CMTM2: variants seen among roughly 807,000 people sequenced by gnomAD.
The protein encoded by CMTM2 is CKLF-like MARVEL transmembrane domain-containing protein 2.
CMTM2 carries 15 observed loss-of-function variants against 16.8 expected under a neutral mutation model. The observed-to-expected ratio is 0.89, with a 90% confidence interval of 0.60 to 1.37. The LOEUF (loss-of-function observed/expected upper bound fraction) is 1.37, where lower values mean the gene tolerates loss of function less well. Ranked by LOEUF, CMTM2 falls within the 40% of genes most tolerant of loss-of-function variation. The pLI, the probability that CMTM2 is intolerant of heterozygous loss-of-function variation, is 0.00. For missense variants in CMTM2, 282 were observed against 318.0 expected, an observed-to-expected ratio of 0.89 and a Z score of 0.86; for synonymous variants, 117 against 118.7, an observed-to-expected ratio of 0.99 and a Z score of 0.09.
Position 66,579,917 on chromosome 16 carries a change from T to TG in CMTM2, c.285+31dup. On this transcript the variant is annotated intron_variant, in intron 1 of 3. Coordinates refer to ENST00000268595, the MANE Select transcript of CMTM2 (RefSeq NM_144673.3). The surrounding 1 kb of genome is among the most constrained non-coding windows in gnomAD (Gnocchi z 6.5). ...GGTGAGCTAAACTGGTATCCCTGGG[T>TG]GGGGGGCCTTGGCCGAGGGTGGGGG... 5 of 678,366 alleles carry TG rather than the reference T, an allele frequency of 7.4e-6. No individual in the cohort carries two copies. Among genetic ancestry groups the TG allele is most frequent in the Non-Finnish European group, 1.2e-5 (5 of 419,950 alleles). The allele number at this position is 678,366 out of a possible 1,614,324, so 42.0% of individuals were successfully genotyped here. A position where few individuals can be genotyped will look rare whatever the true frequency, so the allele number is the denominator to read the frequency against.
chr16:66,584,198 TA>T (rs1055023989), intron 2 of CMTM2, among the ~76,000 whole-genome samples: 3 of 152,194 alleles, frequency 2.0e-5, no homozygotes, highest in African/African-American at 7.2e-5. Flanking sequence ...TAAGCCCGGC[TA>T]ATTTTGTAAT....
rs150636268 is a variant in CMTM2 at position 66,580,770 on chromosome 16, T to C, written c.444+586T>C. ...AAACCATTCCCAGCCTGTTTCCTCA[T>C]CTGTAACATGAGACAGTCACATTCC... On this transcript the variant is annotated intron_variant, in intron 2 of 3. Coordinates refer to ENST00000268595, the MANE Select transcript of CMTM2 (RefSeq NM_144673.3). The C allele has an allele frequency of 2.5e-3, 383 of 153,176 alleles. 3 individuals are homozygous for C. Among genetic ancestry groups the C allele is most frequent in the Admixed American group, 6.2e-3 (95 of 15,378 alleles). 9.5% of individuals were successfully genotyped at this position (153,176 alleles called of 1,614,324 possible).
Position 66,579,816 on chromosome 16 carries a change from G to C in CMTM2, c.209G>C (p.Arg70Pro). Residue 70 changes from arginine to proline, a missense_variant, in exon 1 of 4, where the codon CGC becomes CCC. Coordinates refer to ENST00000268595, the MANE Select transcript of CMTM2 (RefSeq NM_144673.3). This position sits in a 1 kb window ranked among gnomAD's most constrained non-coding sequence, Gnocchi z 6.5. ...GTGGGCACGAGGAGGGGGTGTCGCC[G>C]CTACCGGTGGGAATTAAAAGACAGC... ...HEVGTRRGCR[R>P]YRWELKDSNK... 1.9e-6 allele frequency: 3 copies of C among 1,613,804 alleles called. No individual in the cohort carries two copies. Among genetic ancestry groups the C allele is most frequent in the Non-Finnish European group, 2.5e-6 (3 of 1,179,996 alleles).
At chr16:66,585,378 G>T (rs771021843) in intron 2 of CMTM2, among the ~76,000 whole-genome samples, 1 of 152,172 alleles carries the variant, frequency 6.6e-6, no homozygotes, top group Non-Finnish European at 1.5e-5. Flanking sequence ...GTCTCATTTC[G>T]TTCATTCATA....
At chr16:66,582,689 G>A (rs2144703241) in intron 2 of CMTM2, among the ~76,000 whole-genome samples, 2 of 152,174 alleles carry the variant, frequency 1.3e-5, no homozygotes, top group East Asian at 3.9e-4. Context: ...GTGACAGAGT[G>A]AGACCCTGTC....
chr16:66,583,640 A>G (rs1223144716), intron 2 of CMTM2, among the ~76,000 whole-genome samples: 1 of 152,156 alleles, frequency 6.6e-6, no homozygotes, highest in Non-Finnish European at 1.5e-5. Context: ...ATGTAAATAG[A>G]GAAACATTCC....
intron 2 of CMTM2, 59 bp downstream of exon 2, chr16:66,580,243 C>A: frequency 1.3e-6 from 2 of 1,579,032 alleles, no homozygotes; most frequent in Middle Eastern, 1.7e-4. Context: ...TGTGTCTTGG[C>A]ACCTGGAAAG....
At chr16:66,587,823 G>A (rs2014812311) in intron 3 of CMTM2, 96 bp from the exon 4 acceptor site, 1 of 1,256,594 alleles carries the variant, frequency 8.0e-7, no homozygotes, top group Non-Finnish European at 1.1e-6. Context: ...TGGGGGATGT[G>A]TGAAACAGCA....
chr16:66,585,564 A>G (rs1450029031), intron 2 of CMTM2, among the ~76,000 whole-genome samples: 3 of 152,220 alleles, frequency 2.0e-5, no homozygotes, highest in African/African-American at 7.2e-5. Flanking sequence ...GTAGAAAAGC[A>G]CAAATTCAGA....
At position 66,580,192 on chromosome 16, in the gene CMTM2, AG is replaced by A. The variant is rs763472578; in HGVS notation, c.444+12del. The A allele has an allele frequency of 1.5e-5, 25 of 1,613,904 alleles. No individual in the cohort carries two copies. Among genetic ancestry groups the A allele is most frequent in the Non-Finnish European group, 2.0e-5 (24 of 1,179,934 alleles). On this transcript the variant is annotated intron_variant, in intron 2 of 3. Coordinates refer to ENST00000268595, the MANE Select transcript of CMTM2 (RefSeq NM_144673.3). ...ATCCTGTGGCCCATTTCTGTAAGTAAGGGGTGATGGGGAGTGCCTGCATCCA... is the reference window on the plus strand; with the variant it reads ...ATCCTGTGGCCCATTTCTGTAAGTAAGGGTGATGGGGAGTGCCTGCATCCA...
At position 66,587,964 on chromosome 16, in the gene CMTM2, C is replaced by T. The variant is rs2014814563; in HGVS notation, c.592C>T (p.Leu198Phe). The T allele has an allele frequency of 1.2e-6, 2 of 1,613,974 alleles. No homozygotes were observed. The highest frequency in any genetic ancestry group is 3.3e-5 in the Admixed American group (2 of 59,998). ...AGTTTTTGCTTTTATCGATGTGTGT[C>T]TTCAAAGAAACCACTTCAGAGGCAA... is the stretch of plus-strand genomic sequence containing the variant. ...AGVFAFIDVC[L>F]QRNHFRGKKA... The change falls in exon 4 of 4, where the codon CTT (leucine) becomes TTT (phenylalanine). Residue 198 changes from leucine to phenylalanine, a missense_variant. Leu to Phe is a conservative substitution (Grantham distance 22, BLOSUM62 0). Coordinates refer to ENST00000268595, the MANE Select transcript of CMTM2 (RefSeq NM_144673.3).
chr16:66,587,541 A>G lies in CMTM2; in HGVS notation c.547-378A>G, dbSNP rs535673391. 5.3e-5 allele frequency among the ~76,000 whole-genome samples: 8 copies of G among 152,042 alleles called. No homozygotes were observed. In the South Asian group the frequency reaches 1.2e-3, roughly 24 times the overall value. On this transcript the variant is annotated intron_variant, in intron 3 of 3. Coordinates refer to ENST00000268595, the MANE Select transcript of CMTM2 (RefSeq NM_144673.3). ...CACTGCACTCCACCCCGGACGACGG[A>G]GCGAGACTTCGTCTCAAAGGAAAAA...
At chr16:66,585,737 G>A (rs1237631624) in intron 2 of CMTM2, among the ~76,000 whole-genome samples, 3 of 152,212 alleles carry the variant, frequency 2.0e-5, no homozygotes, top group African/African-American at 7.2e-5. Flanking sequence ...TCTGTTAAAT[G>A]TCAGTGGCTC....
In CMTM2 at chr16:66,588,183, T is replaced by G; in HGVS notation, c.*64T>G. The stretch of plus-strand genomic sequence containing the variant: ...TTTACAGCAATATGTTTCCACTCTC[T>G]TCCTTGTCTTCTTTCTGGAATGGTT... On this transcript the variant is annotated 3_prime_UTR_variant, in exon 4 of 4. Transcript: ENST00000268595. 3.1e-5 allele frequency: 43 copies of G among 1,406,398 alleles called. No individual in the cohort carries two copies. The highest frequency in any genetic ancestry group is 3.9e-5 in the Non-Finnish European group (39 of 1,012,718). The allele number at this position is 1,406,398 out of a possible 1,614,324, so 87.1% of individuals were successfully genotyped here. A position where few individuals can be genotyped will look rare whatever the true frequency, so the allele number is the denominator to read the frequency against.
At position 66,588,097 on chromosome 16, in the gene CMTM2, G is replaced by C; in HGVS notation, c.725G>C (p.Gly242Ala). The change falls in exon 4 of 4, where the codon GGG becomes GCG. Residue 242 changes from glycine (G) to alanine (A), a missense_variant. Physicochemically the swap from Gly to Ala is moderately conservative, Grantham distance 60. Coordinates refer to ENST00000268595, the MANE Select transcript of CMTM2 (RefSeq NM_144673.3). ...AKPPEPGKPP[G>A]PAKGKK is the part of the protein sequence containing the mutation. ...CCACCAGAACCTGGCAAGCCACCAGGGCCAGCAAAGGGAAAGAAATGACTT... is the reference window on the plus strand; with the variant it reads ...CCACCAGAACCTGGCAAGCCACCAGCGCCAGCAAAGGGAAAGAAATGACTT... The C allele has an allele frequency of 6.2e-7, 1 of 1,612,884 alleles. No homozygotes were observed. The highest frequency in any genetic ancestry group is 8.5e-7 in the Non-Finnish European group (1 of 1,180,024).
chr16:66,584,408 T>TACAC (rs1478335775), intron 2 of CMTM2, among the ~76,000 whole-genome samples: 2 of 151,950 alleles, frequency 1.3e-5, no homozygotes, highest in Non-Finnish European at 2.9e-5. Flanking sequence ...TGCACACACA[T>TACAC]ACACACGCAC....
intron 2 of CMTM2, among the ~76,000 whole-genome samples, chr16:66,582,867 C>T (rs1567383872): frequency 6.6e-6 from 1 of 151,716 alleles, no homozygotes; most frequent in Non-Finnish European, 1.5e-5. Flanking sequence ...GAGTGAGACT[C>T]CATCTCAAAA....
intron 2 of CMTM2, among the ~76,000 whole-genome samples, chr16:66,582,294 T>C (rs1005808935): frequency 2.0e-5 from 3 of 152,100 alleles, no homozygotes; most frequent in Non-Finnish European, 2.9e-5. Flanking sequence ...AGATCAGACA[T>C]AGCTGAAGGA....
chr16:66,584,161 G>C lies in CMTM2; in HGVS notation c.445-2836G>C, dbSNP rs527941116. ...GCATTCTCCTGCCTCAGCCTCCTGA[G>C]TAGCTAGGATTACAGACATGCGCCA... On this transcript the variant is annotated intron_variant, in intron 2 of 3. Transcript: ENST00000268595. Among the ~76,000 whole-genome samples, 4 of 152,314 alleles carry C rather than the reference G, an allele frequency of 2.6e-5. No homozygotes were observed. In the South Asian group the frequency reaches 8.3e-4, roughly 32 times the overall value.
Sources: allele counts gnomAD v4.1 joint callset (sites outside exome capture counted in the v4.1 genomes callset), GRCh38; gene constraint gnomAD v4.1.1; non-coding constraint Gnocchi (gnomAD v3.1); transcripts MANE v1.5; gene names NCBI Gene and HGNC (gene_info 2026-07-23, HGNC 2026-07-21).